PIEZO2: variants seen among roughly 807,000 people sequenced by gnomAD.
PIEZO2 encodes piezo type mechanosensitive ion channel component 2, also known as piezo-type mechanosensitive ion channel component 2.
Under a neutral mutation model 337.3 loss-of-function variants are expected in PIEZO2, and 172 were observed. That is an observed-to-expected ratio of 0.51 (90% CI 0.45 to 0.58). The LOEUF is 0.58. PIEZO2 is among the 20% of genes least tolerant of loss of function. PIEZO2 has a pLI of 0.00. For missense variants in PIEZO2, 3,028 were observed against 3,391.3 expected (o/e 0.89, Z 2.66); for synonymous variants, 1,251 against 1,228.5 (o/e 1.02, Z -0.38).
Position 10,855,024 on chromosome 18 carries a change from C to T in PIEZO2, c.917+329G>A, listed in dbSNP as rs144067312. On this transcript the variant is annotated intron_variant, in intron 7 of 55. Transcript: ENST00000674853. The surrounding 1 kb of genome is among the most constrained non-coding windows in gnomAD (Gnocchi z 4.9). ...ACGCCTTTCTAGCTGGATGCTGTGG[C>T]ACATCCTTATTGTTCTTCGGTGTAA... 2.3e-4 allele frequency among the ~76,000 whole-genome samples: 35 copies of T among 152,268 alleles called. No homozygotes were observed. Among genetic ancestry groups the T allele is most frequent in the African/African-American group, 7.9e-4 (33 of 41,560 alleles).
rs1598403047 is a variant in PIEZO2, at chr18:10,724,785, A to C, written c.5030-6526T>G. On this transcript the variant is annotated intron_variant, in intron 36 of 55. Coordinates refer to ENST00000674853, the MANE Select transcript of PIEZO2 (RefSeq NM_001378183.1). The surrounding 1 kb of genome is among the most constrained non-coding windows in gnomAD (Gnocchi z 5.8). Reference sequence around the variant, plus strand: ...CCGTGGCTCTGGCAGTCCCCCCAGCACTGCAGCCCCAGCCTGAGCAGCAGT... The same window carrying C: ...CCGTGGCTCTGGCAGTCCCCCCAGCCCTGCAGCCCCAGCCTGAGCAGCAGT... 1 of 1,582,944 alleles carries C rather than the reference A, an allele frequency of 6.3e-7. No individual in the cohort carries two copies. The highest frequency in any genetic ancestry group is 8.6e-7 in the Non-Finnish European group (1 of 1,162,942).
rs549822465 is a variant in PIEZO2, at chr18:10,707,604, C to T, written c.5588+671G>A. Reference sequence around the variant, plus strand: ...CCTAAGGCAATTCAAAAAGAGTTTTCGGGTTGTATGCAAATAATTTTATTT... The same window carrying T: ...CCTAAGGCAATTCAAAAAGAGTTTTTGGGTTGTATGCAAATAATTTTATTT... On this transcript the variant is annotated intron_variant, in intron 40 of 55. Transcript: ENST00000674853. This position sits in a 1 kb window ranked among gnomAD's most constrained non-coding sequence, Gnocchi z 4.2. Among the ~76,000 whole-genome samples the T allele has an allele frequency of 1.1e-4, 16 of 152,266 alleles. No homozygotes were observed. Among genetic ancestry groups the T allele is most frequent in the Non-Finnish European group, 1.6e-4 (11 of 68,024 alleles).
At chr18:10,785,532 A>G (rs979085483) in intron 16 of PIEZO2, among the ~76,000 whole-genome samples, 1 of 152,000 alleles carries the variant, frequency 6.6e-6, no homozygotes, top group Non-Finnish European at 1.5e-5. Context: ...TGATTTTCCT[A>G]TTTTTCTTGG....
chr18:10,988,204 C>T lies in PIEZO2; in HGVS notation c.161-8544G>A, dbSNP rs2034955301. ...CCATGTGAGGACACAGTGTCCATCC[C>T]CTCTGGAGGATGAAGCAACACAGTG... On this transcript the variant is annotated intron_variant, in intron 2 of 55. Transcript: ENST00000674853. The surrounding 1 kb of genome is among the most constrained non-coding windows in gnomAD (Gnocchi z 4.8). Among the ~76,000 whole-genome samples the T allele has an allele frequency of 1.3e-5, 2 of 152,240 alleles. 1 individual carries two copies. The highest frequency in any genetic ancestry group is 4.2e-4 in the South Asian group (2 of 4,816).
intron 2 of PIEZO2, among the ~76,000 whole-genome samples, chr18:10,997,322 T>G (rs1009397024): frequency 5.3e-5 from 8 of 149,928 alleles, no homozygotes; most frequent in Non-Finnish European, 1.0e-4. Context: ...TGACCCAGAG[T>G]CACATAACGT....
chr18:10,802,833 G>A lies in PIEZO2; in HGVS notation c.1200+1042C>T, dbSNP rs184306452. Among the ~76,000 whole-genome samples, 98 of 152,182 alleles carry A rather than the reference G, an allele frequency of 6.4e-4. No individual in the cohort carries two copies. In the East Asian group the frequency reaches 0.017, roughly 26 times the overall value. The stretch of plus-strand genomic sequence containing the variant: ...AAAAATTCAAAAAAATTAGCCAGGC[G>A]TGGTGGCACATGCCTGTAGTCCCAG... On this transcript the variant is annotated intron_variant, in intron 9 of 55. Transcript: ENST00000674853.
At chr18:11,120,828 C>A (rs1323097939) in intron 1 of PIEZO2, among the ~76,000 whole-genome samples, 7 of 152,160 alleles carry the variant, frequency 4.6e-5, no homozygotes, top group Non-Finnish European at 1.0e-4. Context: ...GGATCTGGGA[C>A]CTGCGGTCAG....
At chr18:10,961,061 G>A (rs1393910413) in intron 3 of PIEZO2, among the ~76,000 whole-genome samples, 1 of 151,934 alleles carries the variant, frequency 6.6e-6, no homozygotes, top group South Asian at 2.1e-4. Flanking sequence ...GGCACCCGTA[G>A]TCCCAGCTAC....
At position 10,794,456 on chromosome 18, in the gene PIEZO2, A is replaced by G. The variant is rs1309115973; in HGVS notation, c.1758+316T>C. On this transcript the variant is annotated intron_variant, in intron 13 of 55. Coordinates refer to ENST00000674853, the MANE Select transcript of PIEZO2 (RefSeq NM_001378183.1). This position sits in a 1 kb window ranked among gnomAD's most constrained non-coding sequence, Gnocchi z 6.6. ...CCTATAATCCCTTAACACATTTTGC[A>G]CTGTATTTTCCTATTTTCACACCTA... 2.0e-5 allele frequency among the ~76,000 whole-genome samples: 3 copies of G among 152,220 alleles called. No homozygotes were observed. Among genetic ancestry groups the G allele is most frequent in the Non-Finnish European group, 2.9e-5 (2 of 68,026 alleles).
rs916838118 is a variant in PIEZO2, at chr18:10,954,008, G to T, written c.286+25527C>A. Among the ~76,000 whole-genome samples, 6 of 152,210 alleles carry T rather than the reference G, an allele frequency of 3.9e-5. No homozygotes were observed. The highest frequency in any genetic ancestry group is 1.3e-4 in the Admixed American group (2 of 15,274). On this transcript the variant is annotated intron_variant, in intron 3 of 55. Transcript: ENST00000674853. This position sits in a 1 kb window ranked among gnomAD's most constrained non-coding sequence, Gnocchi z 4.2. ...CAGGGTCACATCTGCTGAAAGCAGG[G>T]AACTCACAATATGGCCTTTAGGGTC... is the stretch of plus-strand genomic sequence containing the variant.
chr18:10,854,987 T>G lies in PIEZO2; in HGVS notation c.917+366A>C, dbSNP rs1487058546. On this transcript the variant is annotated intron_variant, in intron 7 of 55. Coordinates refer to ENST00000674853, the MANE Select transcript of PIEZO2 (RefSeq NM_001378183.1). This position sits in a 1 kb window ranked among gnomAD's most constrained non-coding sequence, Gnocchi z 4.6. ...TGACGCTTAATTTGTTCTCGTATAT[T>G]AGGCCCATGAAACGCCTTTCTAGCT... is the stretch of plus-strand genomic sequence containing the variant. Among the ~76,000 whole-genome samples, 1 of 152,214 alleles carries G rather than the reference T, an allele frequency of 6.6e-6. No homozygotes were observed. The highest frequency in any genetic ancestry group is 1.5e-5 in the Non-Finnish European group (1 of 68,026).
In PIEZO2 at chr18:10,697,819, T is replaced by C. The variant is rs547440025; in HGVS notation, c.6756A>G (p.Lys2252=). 1.9e-6 allele frequency: 3 copies of C among 1,614,210 alleles called. No individual in the cohort carries two copies. The African/African-American group carries it at 4.0e-5, about 22-fold the overall frequency. The change falls in exon 45 of 56, where the codon AAA becomes AAG. Residue 2252 remains lysine (K), a synonymous_variant. Transcript: ENST00000674853. ...TTTCCATATAAAGTTCCCTTTTGCC[T>C]TTTTGCTTAATACTCAAAACACTGC... is the stretch of plus-strand genomic sequence containing the variant. The part of the protein sequence containing the change: ...KGSSVLSIKQ[K]GKRELYMEKL...
chr18:10,688,732 G>C (rs530005251), intron 49 of PIEZO2, among the ~76,000 whole-genome samples: 1 of 151,384 alleles, frequency 6.6e-6, no homozygotes, highest in African/African-American at 2.4e-5. Flanking sequence ...TTCTACTTTA[G>C]ACCAAACAAT....
At chr18:10,839,364 T>C (rs1166732067) in intron 7 of PIEZO2, among the ~76,000 whole-genome samples, 4 of 152,232 alleles carry the variant, frequency 2.6e-5, no homozygotes, top group Non-Finnish European at 2.9e-5. Flanking sequence ...GTGTCCTCTG[T>C]GTTGGGTTCT....
chr18:10,986,371 A>G (rs1361992142), intron 2 of PIEZO2, among the ~76,000 whole-genome samples: 4 of 152,052 alleles, frequency 2.6e-5, no homozygotes, highest in Non-Finnish European at 5.9e-5. Flanking sequence ...ATGACACATT[A>G]AAAGGATTAT....
intron 1 of PIEZO2, among the ~76,000 whole-genome samples, chr18:11,118,203 C>G (rs1478985343): frequency 1.3e-5 from 2 of 152,230 alleles, no homozygotes; most frequent in Non-Finnish European, 2.9e-5. Flanking sequence ...ACTGCTGAAG[C>G]AAACAGCCCA....
intron 1 of PIEZO2, among the ~76,000 whole-genome samples, chr18:11,084,742 T>C (rs1048669706): frequency 5.9e-5 from 9 of 152,160 alleles, no homozygotes; most frequent in African/African-American, 1.9e-4. Context: ...CATTAGAACT[T>C]CTCAGTTGTG....
At chr18:11,064,867 T>C (rs898947166) in intron 2 of PIEZO2, among the ~76,000 whole-genome samples, 2 of 152,236 alleles carry the variant, frequency 1.3e-5, no homozygotes, top group Non-Finnish European at 2.9e-5. Flanking sequence ...CACCGTAGAA[T>C]AGTAGTTGCC....
chr18:10,975,211 C>T (rs1438636645), intron 3 of PIEZO2, among the ~76,000 whole-genome samples: 1 of 152,218 alleles, frequency 6.6e-6, no homozygotes, highest in Non-Finnish European at 1.5e-5. Flanking sequence ...GAATAGCATG[C>T]TTTAAGCACA....
Sources: allele counts gnomAD v4.1 joint callset (sites outside exome capture counted in the v4.1 genomes callset), GRCh38; gene constraint gnomAD v4.1.1; non-coding constraint Gnocchi (gnomAD v3.1); transcripts MANE v1.5; gene names NCBI Gene and HGNC (gene_info 2026-07-23, HGNC 2026-07-21).